The following NUFIP1 variants were observed in gnomAD, a reference collection of about 807,000 sequenced individuals.
The protein encoded by NUFIP1 is nuclear FMR1 interacting protein 1.
Under a neutral mutation model 56.2 loss-of-function variants are expected in NUFIP1, and 38 were observed. The observed-to-expected ratio is 0.68, with a 90% CI of 0.52 to 0.89. The LOEUF is 0.89. Ranked by LOEUF, NUFIP1 falls within the 40% of genes least tolerant of loss-of-function variation. The pLI is 0.00. For missense variants in NUFIP1, 567 were observed against 605.8 expected (o/e 0.94, Z 0.67); for synonymous variants, 215 against 212.4 (o/e 1.01, Z -0.10).
At chr13:44,941,504 TCTAG>T (rs1463523294) in intron 9 of NUFIP1, among the ~76,000 whole-genome samples, 182 bp from the exon 10 acceptor site, 1 of 152,202 alleles carries the variant, frequency 6.6e-6, no homozygotes, top group Non-Finnish European at 1.5e-5. Context: ...ATCAAGACTA[TCTAG>T]CTTTTTATTT....
chr13:44,952,271 C>T (rs978772588), intron 7 of NUFIP1, among the ~76,000 whole-genome samples: 1 of 152,098 alleles, frequency 6.6e-6, no homozygotes, highest in Non-Finnish European at 1.5e-5. Flanking sequence ...ATTACAGGCA[C>T]GTGCCACCAC....
At chr13:44,978,251 T>G (rs907915985) in intron 5 of NUFIP1, among the ~76,000 whole-genome samples, 3 of 152,220 alleles carry the variant, frequency 2.0e-5, no homozygotes, top group Non-Finnish European at 2.9e-5. Flanking sequence ...ATCTGGCACA[T>G]CACCACCCAC....
intron 5 of NUFIP1, among the ~76,000 whole-genome samples, chr13:44,968,783 A>G (rs1231486118): frequency 6.6e-6 from 1 of 152,216 alleles, no homozygotes; most frequent in Non-Finnish European, 1.5e-5. Context: ...AAAATTTGGC[A>G]CTACAGTGTA....
chr13:44,959,537 T>C lies in NUFIP1; in HGVS notation c.865A>G (p.Lys289Glu), dbSNP rs1404870515. 3 of 1,613,412 alleles carry C rather than the reference T, an allele frequency of 1.9e-6. No individual in the cohort carries two copies. The highest frequency in any genetic ancestry group is 2.2e-5 in the East Asian group (1 of 44,886). ...TGATTCTTGCCAGGACTTCTGATCT[T>C]TGCCATTTGTGAATGTCTGGACATC... The part of the protein sequence containing the change: ...KGMSRHSQMA[K>E]IRSPGKNHKW... The change falls in exon 7 of 10, where the codon AAG becomes GAG. Residue 289 changes from lysine to glutamate, a missense_variant. By Grantham distance (56) the Lys-to-Glu change is moderately conservative. Coordinates refer to ENST00000379161, the MANE Select transcript of NUFIP1 (RefSeq NM_012345.3).
chr13:44,958,004 T>G (rs1261337175), intron 7 of NUFIP1, among the ~76,000 whole-genome samples: 1 of 152,188 alleles, frequency 6.6e-6, no homozygotes, highest in Non-Finnish European at 1.5e-5. Context: ...TCTCTAAAAT[T>G]TTTTGAAAGA....
chr13:44,982,489 T>C (rs905718595), intron 1 of NUFIP1, among the ~76,000 whole-genome samples: 18 of 152,194 alleles, frequency 1.2e-4, no homozygotes, highest in Non-Finnish European at 2.4e-4. Flanking sequence ...TCCTTCAGCA[T>C]CAATTTCGCA....
intron 5 of NUFIP1, among the ~76,000 whole-genome samples, chr13:44,969,548 T>C (rs1212728081): frequency 6.6e-6 from 1 of 152,232 alleles, no homozygotes; most frequent in African/African-American, 2.4e-5. Flanking sequence ...TTTTTCTATA[T>C]TTTTATCTAC....
intron 9 of NUFIP1, among the ~76,000 whole-genome samples, chr13:44,942,536 T>A (rs1467227096): frequency 6.6e-6 from 1 of 152,188 alleles, no homozygotes; most frequent in Non-Finnish European, 1.5e-5. Flanking sequence ...CTGAACACTT[T>A]AGCTACAAAA....
rs927441974 is a variant in NUFIP1, at chr13:44,959,349, T to A, written c.1021+32A>T. On this transcript the variant is annotated intron_variant, in intron 7 of 9. Coordinates refer to ENST00000379161, the MANE Select transcript of NUFIP1 (RefSeq NM_012345.3). ...AACTTCAGCATCATTGTCTATACAC[T>A]TATAAATACGTTATTTTCCTGTTTA... is the stretch of plus-strand genomic sequence containing the variant. 20 of 1,596,520 alleles carry A rather than the reference T, an allele frequency of 1.3e-5. No individual in the cohort carries two copies. In the East Asian group the frequency reaches 3.3e-4, roughly 27 times the overall value.
Position 44,943,377 on chromosome 13 carries a change from C to CAA in NUFIP1, c.1371+64_1371+65insTT. Reference sequence around the variant, plus strand: ...ACACACACACACACACACACACACACCCCAGTGGCTCTATCTTTATGATGT... The same window carrying CAA: ...ACACACACACACACACACACACACACAACCCAGTGGCTCTATCTTTATGATGT... On this transcript the variant is annotated intron_variant, in intron 9 of 9. Transcript: ENST00000379161. 5 of 1,339,962 alleles carry CAA rather than the reference C, an allele frequency of 3.7e-6. No homozygotes were observed. In the South Asian group the frequency reaches 6.3e-5, roughly 17 times the overall value. 83.0% of individuals were successfully genotyped at this position (1,339,962 alleles called of 1,614,324 possible).
At chr13:44,962,906 C>T (rs901681207) in intron 6 of NUFIP1, among the ~76,000 whole-genome samples, 3 of 152,140 alleles carry the variant, frequency 2.0e-5, no homozygotes, top group African/African-American at 7.2e-5. Context: ...CTAAGAGCAA[C>T]AGGCTTTACT....
chr13:44,974,251 A>G (rs1013014618), intron 5 of NUFIP1, among the ~76,000 whole-genome samples: 1 of 152,240 alleles, frequency 6.6e-6, no homozygotes. Flanking sequence ...AACAGGATGT[A>G]GCAACTGAGC....
At chr13:44,958,757 C>T (rs1871325883) in intron 7 of NUFIP1, among the ~76,000 whole-genome samples, 1 of 152,192 alleles carries the variant, frequency 6.6e-6, no homozygotes, top group African/African-American at 2.4e-5. Flanking sequence ...TATTTACATA[C>T]ACATTTCATT....
In NUFIP1 at chr13:44,980,756, T is replaced by C. The variant is rs1872159408; in HGVS notation, c.560A>G (p.Glu187Gly). Residue 187 changes from glutamate to glycine, a missense_variant, in exon 3 of 10, where the codon GAA (glutamate) becomes GGA (glycine). Coordinates refer to ENST00000379161, the MANE Select transcript of NUFIP1 (RefSeq NM_012345.3). ...DTCDRGFKNQEKYDKHMSEHT... is the reference protein window; with the variant it reads ...DTCDRGFKNQGKYDKHMSEHT... ...TTCAGACATGTGTTTGTCATACTTT[T>C]CTTGATTTTTAAAACCACGATCACA... The C allele has an allele frequency of 1.2e-6, 2 of 1,603,246 alleles. No individual in the cohort carries two copies. The highest frequency in any genetic ancestry group is 2.2e-5 in the East Asian group (1 of 44,696).
chr13:44,963,709 T>C (rs1046877729), intron 6 of NUFIP1, among the ~76,000 whole-genome samples: 2 of 152,228 alleles, frequency 1.3e-5, no homozygotes, highest in African/African-American at 2.4e-5. Flanking sequence ...TTAGTCATGA[T>C]GTTATATCAT....
intron 6 of NUFIP1, among the ~76,000 whole-genome samples, chr13:44,960,252 A>T (rs1176045140): frequency 6.6e-6 from 1 of 150,608 alleles, no homozygotes; most frequent in Non-Finnish European, 1.5e-5. Context: ...CAGAGTTTAT[A>T]AAGTATGTTC....
intron 1 of NUFIP1, among the ~76,000 whole-genome samples, chr13:44,988,026 T>TA (rs1872475862): frequency 2.6e-5 from 4 of 152,356 alleles, no homozygotes; most frequent in Admixed American, 2.6e-4. Flanking sequence ...CTTCTGCCCG[T>TA]ACCCCTATTC....
intron 1 of NUFIP1, among the ~76,000 whole-genome samples, chr13:44,983,480 C>A (rs1017098703): frequency 4.5e-4 from 68 of 151,482 alleles, no homozygotes; most frequent in Non-Finnish European, 8.0e-4. Flanking sequence ...CCCAGCCCCC[C>A]GTCTCAAATA....
intron 5 of NUFIP1, among the ~76,000 whole-genome samples, chr13:44,970,693 T>C (rs1039241286): frequency 2.0e-5 from 3 of 152,172 alleles, no homozygotes; most frequent in Non-Finnish European, 2.9e-5. Flanking sequence ...TGTTTTTTTA[T>C]TGAGACAGTC....
Sources: gnomAD v4.1 joint callset for allele counts (sites outside exome capture counted in the v4.1 genomes callset) on GRCh38, gnomAD v4.1.1 for gene constraint, MANE v1.5 for transcripts, NCBI Gene and HGNC (gene_info 2026-07-23, HGNC 2026-07-21) for gene names.